Variants in MAP7D2 observed in about 807,000 individuals in gnomAD.
MAP7D2 encodes MAP7 domain-containing protein 2.
Under a neutral mutation model 63.5 loss-of-function variants are expected in MAP7D2, and 33 were observed. The observed-to-expected ratio is 0.52, with a 90% CI of 0.39 to 0.70. MAP7D2 has a LOEUF of 0.70. MAP7D2 is among the 30% of genes least tolerant of loss of function. The pLI is 0.00. For synonymous variants in MAP7D2, 224 were observed against 223.7 expected, an observed-to-expected ratio of 1.00 and a Z score of -0.01; for missense variants, 626 against 604.0, an observed-to-expected ratio of 1.04 and a Z score of -0.38.
At chrX:20,085,085 C>G (rs143225444) in intron 1 of MAP7D2, among the ~76,000 whole-genome samples, 48 of 111,966 alleles carry the variant, frequency 4.3e-4, no homozygotes, top group Non-Finnish European at 7.7e-4. Flanking sequence ...CTGAGGAGGT[C>G]AAACACACGC....
intron 10 of MAP7D2, among the ~76,000 whole-genome samples, chrX:20,020,136 A>T (rs2073585124): frequency 9.0e-6 from 1 of 111,573 alleles, no homozygotes; most frequent in Non-Finnish European, 1.9e-5. Flanking sequence ...CCTCTATGAC[A>T]TTACTGCTCA....
At chrX:20,051,288 G>A (rs933204371) in intron 5 of MAP7D2, among the ~76,000 whole-genome samples, 5 of 111,650 alleles carry the variant, frequency 4.5e-5, no homozygotes, top group Non-Finnish European at 9.4e-5. Flanking sequence ...GGTGGCTCAT[G>A]CTTGTTATCC....
At chrX:20,059,532 G>A (rs1251889612) in intron 3 of MAP7D2, among the ~76,000 whole-genome samples, 3 of 109,750 alleles carry the variant, frequency 2.7e-5, no homozygotes, top group Non-Finnish European at 5.7e-5. Context: ...TGGGGAAAGG[G>A]CAAGGCAAAT....
intron 1 of MAP7D2, among the ~76,000 whole-genome samples, chrX:20,113,152 A>G (rs1040288002): frequency 1.8e-5 from 2 of 111,922 alleles, no homozygotes; most frequent in Non-Finnish European, 3.8e-5. Context: ...GGAGCCACAA[A>G]CCAAATACAA....
intron 7 of MAP7D2, among the ~76,000 whole-genome samples, chrX:20,043,667 C>T (rs1274239644): frequency 8.9e-6 from 1 of 112,367 alleles, no homozygotes; most frequent in Admixed American, 9.4e-5. Context: ...ACCCAAAGAA[C>T]CCATGAATTA....
Position 20,027,756 on chromosome X carries a change from G to GA in MAP7D2, c.1008-1805_1008-1804insT, listed in dbSNP as rs1449527982. ...GGGAGAGAGGGAGAGAGAAGGCGGG[G>GA]GGAGAGAGAGAGAGAGAGAGAGAGA... On this transcript the variant is annotated intron_variant, in intron 8 of 16. Coordinates refer to ENST00000379643, the MANE Select transcript of MAP7D2 (RefSeq NM_001168465.2). Among the ~76,000 whole-genome samples the GA allele has an allele frequency of 4.0e-4, 32 of 80,845 alleles. 2 individuals are homozygous for GA. The highest frequency in any genetic ancestry group is 2.1e-3 in the African/African-American group (32 of 15,569). The allele number at this position is 80,845 out of a possible 115,157, so 70.2% of individuals were successfully genotyped here.
intron 1 of MAP7D2, among the ~76,000 whole-genome samples, chrX:20,095,906 C>T (rs964401605): frequency 2.8e-5 from 3 of 108,097 alleles, no homozygotes; most frequent in African/African-American, 1.0e-4. Context: ...ATGGCAAAGC[C>T]CCATCTCTAC....
chrX:20,015,064 T>C (rs953100168), intron 12 of MAP7D2, among the ~76,000 whole-genome samples, 159 bp downstream of exon 12: 1 of 111,610 alleles, frequency 9.0e-6, no homozygotes, highest in Non-Finnish European at 1.9e-5. Context: ...TGGAACGAGA[T>C]GGCAAAAAAC....
intron 1 of MAP7D2, among the ~76,000 whole-genome samples, chrX:20,104,497 C>T (rs763958675): frequency 1.4e-4 from 16 of 111,570 alleles, no homozygotes; most frequent in Non-Finnish European, 2.8e-4. Flanking sequence ...GAGGGGGTTT[C>T]GCCATGTTGG....
In MAP7D2 at chrX:20,063,485, G is replaced by C; in HGVS notation, c.301C>G (p.Gln101Glu). The change falls in exon 3 of 17, where the codon CAG becomes GAG. Residue 101 changes from glutamine to glutamate, a missense_variant. Gln to Glu is a conservative substitution (Grantham distance 29). Transcript: ENST00000379643. ...CTCTTTTGGTCCTCCCGCTGCCGCTGCTCTTCCAGTTTTCGCCATCGCTCC... is the reference window on the plus strand; with the variant it reads ...CTCTTTTGGTCCTCCCGCTGCCGCTCCTCTTCCAGTTTTCGCCATCGCTCC... ...MEERWRKLEE[Q>E]RQREDQKRAA... is the part of the protein sequence containing the mutation. 5 of 1,211,988 alleles carry C rather than the reference G, an allele frequency of 4.1e-6. No individual in the cohort carries two copies. The highest frequency in any genetic ancestry group is 5.6e-6 in the Non-Finnish European group (5 of 895,467).
At chrX:20,017,515 C>T (rs2073443326) in intron 10 of MAP7D2, among the ~76,000 whole-genome samples, 1 of 111,950 alleles carries the variant, frequency 8.9e-6, no homozygotes, top group South Asian at 3.7e-4. Flanking sequence ...TATGTATGAC[C>T]AAAGGAAATA....
At chrX:20,060,413 GAA>G (rs749590274) in intron 3 of MAP7D2, among the ~76,000 whole-genome samples, 2 of 80,312 alleles carry the variant, frequency 2.5e-5, no homozygotes, top group Non-Finnish European at 4.9e-5. Context: ...GAAAAGAAAA[GAA>G]AAGAGAGAGA....
chrX:20,008,458 T>C (rs923338153), intron 16 of MAP7D2, 60 bp from the exon 17 acceptor site: 1 of 112,130 alleles, frequency 8.9e-6, no homozygotes, highest in African/African-American at 3.2e-5. Flanking sequence ...TATTGTGCAG[T>C]TTGTAGCACT....
intron 1 of MAP7D2, among the ~76,000 whole-genome samples, chrX:20,081,054 C>T (rs1214116869): frequency 8.9e-6 from 1 of 111,775 alleles, no homozygotes; most frequent in Non-Finnish European, 1.9e-5. Context: ...GGCCAAGACA[C>T]GGGGATAAAT....
At chrX:20,068,042 C>A (rs2065404165) in intron 1 of MAP7D2, among the ~76,000 whole-genome samples, 1 of 111,930 alleles carries the variant, frequency 8.9e-6, no homozygotes, top group Non-Finnish European at 1.9e-5. Context: ...AGCTGTAAGG[C>A]CTCTCCTTGC....
At chrX:20,029,459 TG>T (rs1032548940) in intron 8 of MAP7D2, among the ~76,000 whole-genome samples, 8 of 112,078 alleles carry the variant, frequency 7.1e-5, no homozygotes, top group African/African-American at 2.3e-4. Context: ...GTGGCCTAGG[TG>T]GGGGAGGTTC....
chrX:20,116,234 A>C (rs756107201), intron 1 of MAP7D2, among the ~76,000 whole-genome samples: 1 of 113,103 alleles, frequency 8.8e-6, no homozygotes, highest in African/African-American at 3.2e-5. Flanking sequence ...CGCCCGGGCG[A>C]ATCTGCCTCT....
chrX:20,105,960 G>C (rs1049627637), intron 1 of MAP7D2, among the ~76,000 whole-genome samples: 2 of 111,832 alleles, frequency 1.8e-5, no homozygotes, highest in African/African-American at 6.5e-5. Flanking sequence ...CATCTGCTTG[G>C]CATCTGGTGA....
At chrX:20,086,723 GATA>G (rs1054369801) in intron 1 of MAP7D2, among the ~76,000 whole-genome samples, 1 of 111,713 alleles carries the variant, frequency 9.0e-6, no homozygotes, top group African/African-American at 3.2e-5. Flanking sequence ...TAATGATGAT[GATA>G]ATAATCAACA....
Sources: allele counts gnomAD v4.1 joint callset (sites outside exome capture counted in the v4.1 genomes callset), GRCh38; gene constraint gnomAD v4.1.1; transcripts MANE v1.5; gene names NCBI Gene and HGNC (gene_info 2026-07-23, HGNC 2026-07-21).